The following PARP4 variants were observed in gnomAD, a reference collection of about 807,000 sequenced individuals.
The protein encoded by PARP4 is poly(ADP-ribose) polymerase family member 4.
PARP4 carries 120 observed loss-of-function variants against 187.7 expected under a neutral mutation model. That is an observed-to-expected ratio of 0.64 (90% CI 0.55 to 0.74). The LOEUF is 0.74. Ranked by LOEUF, PARP4 falls within the 30% of genes least tolerant of loss-of-function variation. The pLI is 0.00. For synonymous variants in PARP4, 654 were observed against 740.9 expected, an observed-to-expected ratio of 0.88 and a Z score of 1.90; for missense variants, 1,836 against 2,070.5, an observed-to-expected ratio of 0.89 and a Z score of 2.20.
intron 10 of PARP4, among the ~76,000 whole-genome samples, chr13:24,486,522 T>C (rs1439106727): frequency 6.6e-6 from 1 of 152,180 alleles, no homozygotes; most frequent in Non-Finnish European, 1.5e-5. Flanking sequence ...TACAGTAAAA[T>C]ATAAAATTTA....
intron 9 of PARP4, 141 bp downstream of exon 9, chr13:24,492,280 A>T: frequency 1.7e-6 from 1 of 582,976 alleles, no homozygotes; most frequent in African/African-American, 1.9e-5. Context: ...AGGGCTTTCT[A>T]AAATGGTTCA....
intron 27 of PARP4, among the ~76,000 whole-genome samples, chr13:24,444,542 C>T (rs9511270): frequency 0.39 from 60,002 of 151,954 alleles, 12,082 homozygotes; most frequent in African/African-American, 0.45. Flanking sequence ...TATACTGATA[C>T]TCCTTTGAAT....
chr13:24,499,029 T>G (rs182675201), intron 5 of PARP4, among the ~76,000 whole-genome samples: 57 of 152,310 alleles, frequency 3.7e-4, no homozygotes, highest in African/African-American at 1.3e-3. Flanking sequence ...CTGGGTGCAG[T>G]GGCTCATGCT....
rs147043003 is a variant in PARP4 at position 24,469,903 on chromosome 13, T to C, written c.2037A>G (p.Ile679Met). Residue 679 changes from isoleucine to methionine, a missense_variant, in exon 16 of 34, where the codon ATA becomes ATG. Ile to Met is a conservative substitution (Grantham distance 10, BLOSUM62 1). Coordinates refer to ENST00000381989, the MANE Select transcript of PARP4 (RefSeq NM_006437.4). ...GFEAFINGKHIVGEIKEKEEA... is the reference protein window; with the variant it reads ...GFEAFINGKHMVGEIKEKEEA... ...CATCTTCTTGCCTTACCTCTCCAAC[T>C]ATGTGCTTCCCATTGATGAAGGCTT... 2.5e-6 allele frequency: 4 copies of C among 1,613,400 alleles called. No individual in the cohort carries two copies. Among genetic ancestry groups the C allele is most frequent in the Non-Finnish European group, 3.4e-6 (4 of 1,179,648 alleles).
At chr13:24,450,658 C>A (rs2137467247) in intron 24 of PARP4, among the ~76,000 whole-genome samples, 1 of 152,286 alleles carries the variant, frequency 6.6e-6, no homozygotes. Flanking sequence ...CTGATGGTCT[C>A]TACCCCTGGG....
intron 32 of PARP4, among the ~76,000 whole-genome samples, chr13:24,427,692 C>A (rs1235608044): frequency 2.6e-5 from 4 of 152,114 alleles, no homozygotes; most frequent in Non-Finnish European, 5.9e-5. Flanking sequence ...GTAGCCAAAA[C>A]TGCTCGTAAG....
chr13:24,505,633 A>G (rs1340783140), intron 1 of PARP4, among the ~76,000 whole-genome samples: 1 of 152,162 alleles, frequency 6.6e-6, no homozygotes, highest in Non-Finnish European at 1.5e-5. Flanking sequence ...GGTTCAAGCA[A>G]TTCTCCTGCC....
intron 1 of PARP4, among the ~76,000 whole-genome samples, chr13:24,504,231 A>T (rs1184719976): frequency 6.6e-6 from 1 of 151,888 alleles, no homozygotes; most frequent in East Asian, 1.9e-4. Flanking sequence ...TGAACAGCTG[A>T]TAATAAAAAT....
At chr13:24,503,912 C>T (rs766560260) in intron 1 of PARP4, 135 bp from the exon 2 acceptor site, 38 of 721,430 alleles carry the variant, frequency 5.3e-5, no homozygotes, top group Non-Finnish European at 8.6e-5. Flanking sequence ...ATCAATAGAA[C>T]ATTGCAAAAA....
intron 28 of PARP4, 62 bp from the exon 29 acceptor site, chr13:24,442,747 T>C (rs1871007976): frequency 1.1e-6 from 1 of 900,502 alleles, no homozygotes; most frequent in Non-Finnish European, 1.8e-6. Context: ...TGTCAGTAAA[T>C]CATTTTAAGA....
At chr13:24,462,404 T>G (rs1872254059) in intron 17 of PARP4, among the ~76,000 whole-genome samples, 1 of 152,172 alleles carries the variant, frequency 6.6e-6, no homozygotes, top group Non-Finnish European at 1.5e-5. Context: ...CAAACTCAAC[T>G]CTTCAACCCC....
At chr13:24,487,071 C>T (rs777834494) in intron 10 of PARP4, among the ~76,000 whole-genome samples, 63 of 142,556 alleles carry the variant, frequency 4.4e-4, no homozygotes, top group Non-Finnish European at 7.7e-4. Context: ...ACCATCCTAG[C>T]CAACATGGTG....
intron 12 of PARP4, among the ~76,000 whole-genome samples, chr13:24,483,842 G>A (rs1373954528): frequency 6.6e-6 from 1 of 152,168 alleles, no homozygotes; most frequent in Admixed American, 6.5e-5. Flanking sequence ...GGCCAGGCTG[G>A]TCTCGAACTC....
intron 17 of PARP4, among the ~76,000 whole-genome samples, chr13:24,460,341 G>A (rs1263530630): frequency 7.2e-5 from 11 of 152,232 alleles, no homozygotes; most frequent in African/African-American, 2.2e-4. Flanking sequence ...GGTGATGTCC[G>A]TGGCAGGCAG....
intron 33 of PARP4, among the ~76,000 whole-genome samples, chr13:24,422,064 G>T (rs1025735526): frequency 1.2e-4 from 18 of 152,290 alleles, no homozygotes; most frequent in African/African-American, 4.1e-4. Context: ...TTTTCCCTGT[G>T]AACTGGGAAA....
chr13:24,443,778 A>G (rs747604481), intron 27 of PARP4, 48 bp from the exon 28 acceptor site: 7 of 1,267,258 alleles, frequency 5.5e-6, no homozygotes, highest in African/African-American at 1.5e-5. Flanking sequence ...GGCTTCTAAT[A>G]TAAGACTTGC....
chr13:24,459,054 AGTTCAT>A lies in PARP4; in HGVS notation c.2408_2413del (p.His803_Glu804del). On this transcript the variant is annotated inframe_deletion, in exon 20 of 34. Coordinates refer to ENST00000381989, the MANE Select transcript of PARP4 (RefSeq NM_006437.4). ...CAAAGATGCACTAACCTTTTGTTTC[AGTTCAT>A]GTGTATCACTGAAAATGAATTCAAT... 6.2e-7 allele frequency: 1 copy of A among 1,601,840 alleles called. No individual in the cohort carries two copies.
At chr13:24,462,507 T>C (rs866568619) in intron 17 of PARP4, among the ~76,000 whole-genome samples, 5 of 152,196 alleles carry the variant, frequency 3.3e-5, no homozygotes, top group Admixed American at 2.0e-4. Context: ...ATGTCCAACA[T>C]TTAATCACAA....
Position 24,456,536 on chromosome 13 carries a change from T to C in PARP4, c.2425-58A>G, listed in dbSNP as rs193182912. The stretch of plus-strand genomic sequence containing the variant: ...TAATGGAGTAACACCATATTAGCAG[T>C]CTGCACTTACCTGTCATGGAGCAAA... On this transcript the variant is annotated intron_variant, in intron 20 of 33. Transcript: ENST00000381989. 1.1e-4 allele frequency: 171 copies of C among 1,509,960 alleles called. No homozygotes were observed. The African/African-American group carries it at 2.2e-3, about 19-fold the overall frequency. 93.5% of individuals were successfully genotyped at this position (1,509,960 alleles called of 1,614,324 possible). A position where few individuals can be genotyped will look rare whatever the true frequency, so the allele number is the denominator to read the frequency against.
Sources: allele counts gnomAD v4.1 joint callset (sites outside exome capture counted in the v4.1 genomes callset), GRCh38; gene constraint gnomAD v4.1.1; transcripts MANE v1.5; gene names NCBI Gene and HGNC (gene_info 2026-07-23, HGNC 2026-07-21).